The following AFF3 variants were observed in gnomAD, a reference collection of about 807,000 sequenced individuals.
AFF3 encodes ALF transcription elongation factor 3.
AFF3 carries 32 observed loss-of-function variants against 129.7 expected under a neutral mutation model. The observed-to-expected ratio is 0.25, with a 90% CI of 0.19 to 0.33. AFF3 has a LOEUF of 0.33. Among genes scored for constraint, AFF3 ranks in the 10% least tolerant of loss-of-function variants. The pLI, the probability that AFF3 is intolerant of heterozygous loss-of-function variation, is 1.00. For missense variants in AFF3, 1,373 were observed against 1,592.0 expected, an observed-to-expected ratio of 0.86 and a Z score of 2.34; for synonymous variants, 644 against 635.4, an observed-to-expected ratio of 1.01 and a Z score of -0.20.
intron 7 of AFF3, among the ~76,000 whole-genome samples, chr2:99,899,620 G>A (rs1694208246): frequency 6.6e-6 from 1 of 152,172 alleles, no homozygotes; most frequent in South Asian, 2.1e-4. Flanking sequence ...AAAAAGAACA[G>A]ACAGTTCCGC....
intron 2 of AFF3, 88 bp from the exon 3 acceptor site, chr2:100,105,671 CT>C (rs1238487290): frequency 3.0e-6 from 4 of 1,347,966 alleles, no homozygotes; most frequent in East Asian, 3.9e-5. Flanking sequence ...CCCTGGCTTA[CT>C]TTTTTAGACA....
intron 13 of AFF3, among the ~76,000 whole-genome samples, chr2:99,615,972 C>T (rs976289507): frequency 6.6e-6 from 1 of 152,200 alleles, no homozygotes; most frequent in Non-Finnish European, 1.5e-5. Context: ...TTCTGGGCTA[C>T]CAGAATTGCC....
chr2:100,020,880 G>A (rs547557854), intron 4 of AFF3, among the ~76,000 whole-genome samples: 141 of 152,200 alleles, frequency 9.3e-4, no homozygotes, highest in Non-Finnish European at 1.6e-3. Flanking sequence ...TTCCTCCCCC[G>A]TCAAGCCAGG....
intron 4 of AFF3, among the ~76,000 whole-genome samples, chr2:100,075,444 T>C (rs1002260716): frequency 3.9e-5 from 6 of 152,128 alleles, no homozygotes; most frequent in African/African-American, 1.4e-4. Flanking sequence ...CAACAAATTA[T>C]TATCCAGGCT....
intron 7 of AFF3, among the ~76,000 whole-genome samples, chr2:99,994,033 T>C (rs1164252160): frequency 6.6e-6 from 1 of 151,844 alleles, no homozygotes; most frequent in African/African-American, 2.4e-5. Context: ...CTTGAACTCC[T>C]GACCTCAGGT....
At chr2:99,777,947 C>CAAAAAAAAAAAAAAAAAAAAAAAAA (rs576434643) in intron 8 of AFF3, among the ~76,000 whole-genome samples, 3 of 48,342 alleles carry the variant, frequency 6.2e-5, no homozygotes, top group Non-Finnish European at 3.8e-5. Flanking sequence ...AAAGCAAAAG[C>CAAAAAAAAAAAAAAAAAAAAAAAAA]AAAAAAAAAA....
chr2:99,659,219 T>C (rs943733146), intron 12 of AFF3, among the ~76,000 whole-genome samples: 2 of 152,204 alleles, frequency 1.3e-5, no homozygotes, highest in Admixed American at 1.3e-4. Flanking sequence ...CTCAGCTGCC[T>C]GTTCTCAGAA....
chr2:99,736,297 T>A (rs1416372437), intron 10 of AFF3, among the ~76,000 whole-genome samples: 1 of 152,232 alleles, frequency 6.6e-6, no homozygotes, highest in Non-Finnish European at 1.5e-5. Flanking sequence ...ATTTGGAATT[T>A]ACATATATCA....
intron 4 of AFF3, among the ~76,000 whole-genome samples, chr2:100,070,255 G>A (rs962606399): frequency 2.6e-5 from 4 of 152,110 alleles, no homozygotes; most frequent in Admixed American, 2.6e-4. Context: ...CACATCTAAA[G>A]GTTAAACTCC....
chr2:99,809,459 C>T (rs1018176618), intron 8 of AFF3, among the ~76,000 whole-genome samples: 2 of 152,192 alleles, frequency 1.3e-5, no homozygotes, highest in African/African-American at 4.8e-5. Context: ...TCTATGAAAG[C>T]CCATTCAATA....
intron 7 of AFF3, among the ~76,000 whole-genome samples, chr2:99,906,970 G>A (rs1385489660): frequency 6.6e-6 from 1 of 152,058 alleles, no homozygotes; most frequent in Non-Finnish European, 1.5e-5. Flanking sequence ...CGACTGAAGA[G>A]CTCTCAGGTG....
intron 7 of AFF3, among the ~76,000 whole-genome samples, chr2:99,884,116 A>T (rs542718463): frequency 6.6e-6 from 1 of 152,364 alleles, no homozygotes; most frequent in South Asian, 2.1e-4. Context: ...CCATAAAGTA[A>T]TTTGATTATA....
intron 4 of AFF3, among the ~76,000 whole-genome samples, chr2:100,057,146 C>T (rs907681274): frequency 2.0e-5 from 3 of 152,036 alleles, no homozygotes; most frequent in Non-Finnish European, 4.4e-5. Context: ...CACGGTGAAA[C>T]TCTGTCTCAA....
intron 13 of AFF3, among the ~76,000 whole-genome samples, chr2:99,621,742 C>T (rs776736182): frequency 2.6e-5 from 4 of 152,108 alleles, no homozygotes; most frequent in East Asian, 1.9e-4. Flanking sequence ...GGGGGAAGAA[C>T]GAGGAGTAGA....
chr2:99,874,862 G>C (rs1296429748), intron 7 of AFF3, among the ~76,000 whole-genome samples: 1 of 152,074 alleles, frequency 6.6e-6, no homozygotes, highest in Non-Finnish European at 1.5e-5. Flanking sequence ...CAGTAAAGGG[G>C]CATGATGTCT....
At position 99,594,191 on chromosome 2, in the gene AFF3, C is replaced by T. The variant is rs766280491; in HGVS notation, c.1470G>A (p.Gly490=). Residue 490 remains glycine (G), a synonymous_variant, in exon 15 of 25, where the codon GGG becomes GGA. Transcript: ENST00000672756. ...PPILIQNESH[G]SESNQYYNPV... Reference sequence around the variant, plus strand: ...GGTTGTAGTACTGATTGCTCTCTGACCCGTGGCTTTCATTTTGGATCAGAA... The same window carrying T: ...GGTTGTAGTACTGATTGCTCTCTGATCCGTGGCTTTCATTTTGGATCAGAA... The T allele has an allele frequency of 3.7e-6, 6 of 1,614,014 alleles. No individual in the cohort carries two copies. The East Asian group carries it at 1.3e-4, about 36-fold the overall frequency.
At position 100,056,572 on chromosome 2, in the gene AFF3, T is replaced by A. The variant is rs549948822; in HGVS notation, c.54-47640A>T. 9.2e-5 allele frequency among the ~76,000 whole-genome samples: 14 copies of A among 152,350 alleles called. No homozygotes were observed. In the South Asian group the frequency reaches 2.5e-3, roughly 27 times the overall value. ...CCCAGGAGGCGTAAAGGCATTTTTT[T>A]AGTCATTCTCATTATCTCTTCTATC... is the stretch of plus-strand genomic sequence containing the variant. On this transcript the variant is annotated intron_variant, in intron 4 of 24. Transcript: ENST00000672756.
At chr2:100,099,790 T>TC (rs1263527885) in intron 4 of AFF3, among the ~76,000 whole-genome samples, 1 of 152,024 alleles carries the variant, frequency 6.6e-6, no homozygotes, top group African/African-American at 2.4e-5. Flanking sequence ...AATGGGAAAT[T>TC]CTAAAAAAAA....
chr2:100,032,780 T>C (rs1684607433), intron 4 of AFF3, among the ~76,000 whole-genome samples: 1 of 152,184 alleles, frequency 6.6e-6, no homozygotes, highest in African/African-American at 2.4e-5. Context: ...ATTCCATGTG[T>C]ATATTTGCCT....
Sources: gnomAD v4.1 joint callset for allele counts (sites outside exome capture counted in the v4.1 genomes callset) on GRCh38, gnomAD v4.1.1 for gene constraint, MANE v1.5 for transcripts, NCBI Gene and HGNC (gene_info 2026-07-23, HGNC 2026-07-21) for gene names.